The following CEP295 variants were observed in gnomAD, a reference collection of about 807,000 sequenced individuals.
CEP295 encodes centrosomal protein 295, also known as centrosomal protein of 295 kDa.
In CEP295, 190 loss-of-function variants were observed where a neutral mutation model predicts 291.6. The observed-to-expected ratio is 0.65, with a 90% CI of 0.58 to 0.73. The LOEUF (loss-of-function observed/expected upper bound fraction) is 0.73, where lower values mean the gene tolerates loss of function less well. Among genes scored for constraint, CEP295 ranks in the 30% least tolerant of loss-of-function variants. CEP295 has a pLI of 0.00. For synonymous variants in CEP295, 993 were observed against 1,038.8 expected, an observed-to-expected ratio of 0.96 and a Z score of 0.85; for missense variants, 2,863 against 2,949.4, an observed-to-expected ratio of 0.97 and a Z score of 0.68.
At chr11:93,692,718 A>G (rs1448754008) in intron 12 of CEP295, among the ~76,000 whole-genome samples, 1 of 152,060 alleles carries the variant, frequency 6.6e-6, no homozygotes, top group African/African-American at 2.4e-5. Context: ...CATGCCTGAA[A>G]TCCCAGCACT....
intron 10 of CEP295, among the ~76,000 whole-genome samples, chr11:93,689,154 C>T (rs1379852266): frequency 6.6e-6 from 1 of 152,190 alleles, no homozygotes; most frequent in Non-Finnish European, 1.5e-5. Flanking sequence ...TATCATCAGC[C>T]TTTGCACCTC....
rs748133251 is a variant in CEP295 at position 93,721,359 on chromosome 11, G to A, written c.5797G>A (p.Ala1933Thr). Residue 1933 changes from alanine (A) to threonine (T), a missense_variant, in exon 19 of 30, where the codon GCT (alanine) becomes ACT (threonine). By Grantham distance (58) the Ala-to-Thr change is moderately conservative (BLOSUM62 0). This residue lies in a region of CEP295 where 2,295 missense variants were observed against 2,335.7 expected (regional missense o/e 0.98). Coordinates refer to ENST00000325212, the MANE Select transcript of CEP295 (RefSeq NM_033395.2). ...VVENHAVLSY[A>T]VEEEHAYLGP... Reference sequence around the variant, plus strand: ...TGAAAATCATGCAGTGTTAAGTTATGCTGTGGAGGAAGAACATGCATATTT... The same window carrying A: ...TGAAAATCATGCAGTGTTAAGTTATACTGTGGAGGAAGAACATGCATATTT... 3 of 1,563,716 alleles carry A rather than the reference G, an allele frequency of 1.9e-6. No individual in the cohort carries two copies. The highest frequency in any genetic ancestry group is 1.9e-5 in the Admixed American group (1 of 52,018).
At chr11:93,691,797 T>A in intron 11 of CEP295, 22 bp downstream of exon 11, 1 of 1,451,510 alleles carries the variant, frequency 6.9e-7, no homozygotes, top group Non-Finnish European at 9.4e-7. Context: ...TATCACATCC[T>A]CAAATTAAAT....
At position 93,679,558 on chromosome 11, in the gene CEP295, A is replaced by G; in HGVS notation, c.765+6A>G. The G allele has an allele frequency of 6.5e-7, 1 of 1,550,254 alleles. No individual in the cohort carries two copies. Among genetic ancestry groups the G allele is most frequent in the Non-Finnish European group, 8.7e-7 (1 of 1,146,252 alleles). On this transcript the variant is annotated splice_donor_region_variant and intron_variant, in intron 7 of 29. Coordinates refer to ENST00000325212, the MANE Select transcript of CEP295 (RefSeq NM_033395.2). ...AGAAGATCCATTTGGCTCAAGTAAG[A>G]CTTATATTCTACCCATGACCATTAC...
intron 18 of CEP295, among the ~76,000 whole-genome samples, chr11:93,720,473 C>CAA (rs530395939): frequency 5.1e-5 from 1 of 19,428 alleles, no homozygotes; most frequent in Non-Finnish European, 1.7e-4. Flanking sequence ...GAGTCTGCCT[C>CAA]AAAAAAAAAA....
chr11:93,714,956 C>T (rs901739787), intron 18 of CEP295, among the ~76,000 whole-genome samples: 36 of 152,170 alleles, frequency 2.4e-4, no homozygotes, highest in Non-Finnish European at 5.0e-4. Flanking sequence ...TGAGCCAGCA[C>T]AGTACTGGGT....
intron 9 of CEP295, among the ~76,000 whole-genome samples, chr11:93,686,041 A>G (rs2134988822): frequency 6.7e-6 from 1 of 148,282 alleles, no homozygotes; most frequent in Admixed American, 6.7e-5. Flanking sequence ...TCTTACAGCC[A>G]GGTGCGGTGA....
chr11:93,682,501 G>A (rs1000494091), intron 7 of CEP295, among the ~76,000 whole-genome samples: 2 of 152,180 alleles, frequency 1.3e-5, no homozygotes, highest in African/African-American at 4.8e-5. Flanking sequence ...TGGGATTACA[G>A]GTGTGAGCCA....
chr11:93,718,411 T>C (rs1953431078), intron 18 of CEP295, among the ~76,000 whole-genome samples: 1 of 152,218 alleles, frequency 6.6e-6, no homozygotes, highest in Non-Finnish European at 1.5e-5. Context: ...ATTATGTCAC[T>C]TCCCCTTTTT....
chr11:93,685,112 C>T (rs1292297748), intron 9 of CEP295, among the ~76,000 whole-genome samples: 1 of 152,206 alleles, frequency 6.6e-6, no homozygotes, highest in African/African-American at 2.4e-5. Context: ...TGCAGTTACC[C>T]AAGCCAGACC....
At chr11:93,723,331 T>G in intron 21 of CEP295, 42 bp downstream of exon 21, 1 of 1,353,074 alleles carries the variant, frequency 7.4e-7, no homozygotes, top group Non-Finnish European at 1.0e-6. Context: ...AAATTAAGTT[T>G]TAAATTTTCA....
At chr11:93,679,574 T>C (rs1950862335) in intron 7 of CEP295, 22 bp downstream of exon 7, 2 of 1,546,774 alleles carry the variant, frequency 1.3e-6, no homozygotes, top group East Asian at 4.9e-5. Flanking sequence ...ATTCTACCCA[T>C]GACCATTACT....
chr11:93,681,146 C>G (rs1007931106), intron 7 of CEP295, among the ~76,000 whole-genome samples: 8 of 152,112 alleles, frequency 5.3e-5, no homozygotes, highest in African/African-American at 1.7e-4. Context: ...GCTTCACAGT[C>G]ATTCTGCCAG....
At chr11:93,683,773 T>C (rs1252850535) in intron 8 of CEP295, 31 bp downstream of exon 8, 28 of 1,510,146 alleles carry the variant, frequency 1.9e-5, no homozygotes, top group Non-Finnish European at 2.5e-5. Context: ...CTTTCAATAG[T>C]GATTTTATAC....
At chr11:93,720,326 A>C (rs1487542168) in intron 18 of CEP295, among the ~76,000 whole-genome samples, 4 of 151,948 alleles carry the variant, frequency 2.6e-5, no homozygotes, top group Non-Finnish European at 5.9e-5. Context: ...TAGAAAAATT[A>C]GCCAGGCATG....
chr11:93,666,547 TC>T (rs996221272), intron 1 of CEP295, 134 bp from the exon 2 acceptor site: 1 of 487,482 alleles, frequency 2.1e-6, no homozygotes, highest in African/African-American at 1.9e-5. Flanking sequence ...TAAGCTGAGA[TC>T]GCACCACTGC....
At chr11:93,696,631 C>T in intron 14 of CEP295, 51 bp from the exon 15 acceptor site, 1 of 1,447,968 alleles carries the variant, frequency 6.9e-7, no homozygotes, top group South Asian at 1.4e-5. Flanking sequence ...AGACATGGGG[C>T]TTTTTATTTT....
intron 10 of CEP295, among the ~76,000 whole-genome samples, chr11:93,691,169 G>T (rs1205978194): frequency 6.6e-6 from 1 of 151,744 alleles, no homozygotes; most frequent in East Asian, 1.9e-4. Flanking sequence ...ATTTACTGTG[G>T]TATCCCCAGC....
Position 93,679,416 on chromosome 11 carries a change from A to T in CEP295, c.629A>T (p.Asp210Val). The T allele has an allele frequency of 6.5e-7, 1 of 1,548,488 alleles. No individual in the cohort carries two copies. ...VNRETDTKRP[D>V]ARLAAEEEAK... ...CAATTTTTGATTGACTGCTAGCCAG[A>T]TGCTCGTTTGGCTGCTGAAGAGGAA... Residue 210 changes from aspartate (D) to valine (V), a missense_variant, in exon 7 of 30, where the codon GAT (aspartate) becomes GTT (valine). Around this residue, in one of 3 missense-constraint regions of CEP295, gnomAD observed 554 missense variants for 576.0 expected, o/e 0.96. Coordinates refer to ENST00000325212, the MANE Select transcript of CEP295 (RefSeq NM_033395.2).
Sources: gnomAD v4.1 joint callset for allele counts (sites outside exome capture counted in the v4.1 genomes callset) on GRCh38, gnomAD v4.1.1 for gene constraint, gnomAD v4.1.1 regional missense constraint, MANE v1.5 for transcripts, NCBI Gene and HGNC (gene_info 2026-07-23, HGNC 2026-07-21) for gene names.